Variants in SH3RF2 observed in about 807,000 individuals in gnomAD.
SH3RF2 encodes E3 ubiquitin-protein ligase SH3RF2.
A neutral mutation model predicts 59.0 loss-of-function variants in SH3RF2; 43 were observed. That is an observed-to-expected ratio of 0.73 (90% CI 0.57 to 0.94). The LOEUF (loss-of-function observed/expected upper bound fraction) is 0.94, where lower values mean the gene tolerates loss of function less well. SH3RF2 is among the 40% of genes least tolerant of loss of function. The pLI, the probability that SH3RF2 is intolerant of heterozygous loss-of-function variation, is 0.00. For synonymous variants in SH3RF2, 391 were observed against 391.5 expected, an observed-to-expected ratio of 1.00 and a Z score of 0.01; for missense variants, 930 against 940.1, an observed-to-expected ratio of 0.99 and a Z score of 0.14.
chr5:146,064,790 AGGAAGGAAGGAAGG>A (rs1763045526), downstream of SH3RF2, among the ~76,000 whole-genome samples: 8 of 33,130 alleles, frequency 2.4e-4, 2 homozygotes, highest in African/African-American at 8.8e-4. Flanking sequence ...GAAGGAAGGA[AGGAAGGAAGGAAGG>A]AAGGAAAGAA....
At chr5:146,005,936 AT>A (rs945198611) in intron 4 of SH3RF2, among the ~76,000 whole-genome samples, 1 of 152,052 alleles carries the variant, frequency 6.6e-6, no homozygotes, top group African/African-American at 2.4e-5. Flanking sequence ...GGAAAAAAAA[AT>A]TTTTAAAGAG....
chr5:145,964,977 G>C (rs1237789533), intron 2 of SH3RF2, among the ~76,000 whole-genome samples: 2 of 152,090 alleles, frequency 1.3e-5, no homozygotes, highest in East Asian at 3.9e-4. Context: ...TGGATTGCCT[G>C]AGCTCAGGAG....
chr5:145,938,812 G>A (rs1307817927), intron 2 of SH3RF2, among the ~76,000 whole-genome samples: 3 of 152,192 alleles, frequency 2.0e-5, no homozygotes, highest in Non-Finnish European at 2.9e-5. Context: ...TCTGTTCCAA[G>A]CTATCAAGAT....
At chr5:145,956,624 C>G (rs766392589) in intron 2 of SH3RF2, among the ~76,000 whole-genome samples, 77 of 151,876 alleles carry the variant, frequency 5.1e-4, no homozygotes, top group Non-Finnish European at 1.9e-4. Context: ...GGGGAAGAAG[C>G]AAAGGGGTTA....
chr5:146,021,776 G>A (rs1761329442), intron 5 of SH3RF2, among the ~76,000 whole-genome samples: 1 of 152,142 alleles, frequency 6.6e-6, no homozygotes, highest in African/African-American at 2.4e-5. Context: ...ATACAGTGTT[G>A]TACAGGAGAA....
intron 2 of SH3RF2, among the ~76,000 whole-genome samples, chr5:145,972,037 G>T (rs1759104331): frequency 6.6e-6 from 1 of 152,086 alleles, no homozygotes; most frequent in Non-Finnish European, 1.5e-5. Context: ...CTGGGCCAAG[G>T]TCAGCAGCTT....
At chr5:146,020,325 G>A (rs1458879665) in intron 5 of SH3RF2, among the ~76,000 whole-genome samples, 1 of 152,188 alleles carries the variant, frequency 6.6e-6, no homozygotes, top group Non-Finnish European at 1.5e-5. Context: ...TACGGTGTGT[G>A]TGTACATTCC....
At position 146,060,031 on chromosome 5, in the gene SH3RF2, C is replaced by T; in HGVS notation, c.1721C>T (p.Pro574Leu). The change falls in exon 9 of 10, where the codon CCT becomes CTT. Residue 574 changes from proline to leucine, a missense_variant. By Grantham distance (98) the Pro-to-Leu change is moderately conservative. Transcript: ENST00000359120. ...SAVVVEMGSK[P>L]ALTGEPALTC... ...GTGGTGGTGGAGATGGGGTCCAAGCCTGCCCTCACGGGGGAGCCCGCCCTC... is the reference window on the plus strand; with the variant it reads ...GTGGTGGTGGAGATGGGGTCCAAGCTTGCCCTCACGGGGGAGCCCGCCCTC... 1 of 1,612,044 alleles carries T rather than the reference C, an allele frequency of 6.2e-7. No homozygotes were observed. Among genetic ancestry groups the T allele is most frequent in the African/African-American group, 1.3e-5 (1 of 74,972 alleles).
At chr5:145,977,115 G>A (rs1486935017) in intron 2 of SH3RF2, among the ~76,000 whole-genome samples, 1 of 152,252 alleles carries the variant, frequency 6.6e-6, no homozygotes, top group Non-Finnish European at 1.5e-5. Context: ...TGCCTCGGCA[G>A]AGGCCAAGCA....
chr5:145,997,942 C>T, intron 2 of SH3RF2: 2 of 800,576 alleles, frequency 2.5e-6, no homozygotes, highest in Non-Finnish European at 4.6e-6. Flanking sequence ...CAGTTTATGC[C>T]TGACCCCAAG....
downstream of SH3RF2, among the ~76,000 whole-genome samples, chr5:146,065,549 T>C (rs1002126953): frequency 6.6e-6 from 1 of 152,184 alleles, no homozygotes; most frequent in Non-Finnish European, 1.5e-5. Context: ...GTCCATGCCT[T>C]CCAAATGAAA....
chr5:146,075,582 G>A (rs553472403), intron 9 of SH3RF2, among the ~76,000 whole-genome samples: 43 of 152,078 alleles, frequency 2.8e-4, no homozygotes, highest in Non-Finnish European at 5.4e-4. Context: ...AGGCCAAGGC[G>A]GGTGGATCAA....
At chr5:146,028,652 G>A (rs1312129406) in intron 5 of SH3RF2, among the ~76,000 whole-genome samples, 1 of 152,226 alleles carries the variant, frequency 6.6e-6, no homozygotes. Context: ...ATGTTCCGCA[G>A]GGTCAAAGTT....
rs1230083229 is a variant in SH3RF2, at chr5:146,000,282, A to C, written c.603A>C (p.Arg201=). 1 of 1,613,730 alleles carries C rather than the reference A, an allele frequency of 6.2e-7. No homozygotes were observed. Among genetic ancestry groups the C allele is most frequent in the Non-Finnish European group, 8.5e-7 (1 of 1,179,856 alleles). ...LCRALYNFDL[R]GKDKSENQDC... ...GGGCCCTCTACAACTTCGACCTACGAGGCAAGGACAAGAGTGAGAACCAGG... is the reference window on the plus strand; with the variant it reads ...GGGCCCTCTACAACTTCGACCTACGCGGCAAGGACAAGAGTGAGAACCAGG... The change falls in exon 3 of 10, where the codon CGA becomes CGC. Residue 201 remains arginine (R), a synonymous_variant. Coordinates refer to ENST00000359120, the MANE Select transcript of SH3RF2 (RefSeq NM_152550.4).
intron 5 of SH3RF2, among the ~76,000 whole-genome samples, chr5:146,037,150 C>T (rs1184153639): frequency 6.6e-6 from 1 of 152,146 alleles, no homozygotes; most frequent in Non-Finnish European, 1.5e-5. Context: ...TCATGTGAGC[C>T]GGACATTATG....
At chr5:145,992,540 A>G (rs973086998) in intron 2 of SH3RF2, among the ~76,000 whole-genome samples, 7 of 152,208 alleles carry the variant, frequency 4.6e-5, no homozygotes, top group Admixed American at 2.6e-4. Context: ...TTTACAAAAG[A>G]AAAAGGTTTA....
At chr5:146,009,614 A>G (rs1760792813) in intron 4 of SH3RF2, among the ~76,000 whole-genome samples, 1 of 152,068 alleles carries the variant, frequency 6.6e-6, no homozygotes, top group African/African-American at 2.4e-5. Context: ...ACTCTCTATC[A>G]TGTCAGAGCA....
intron 2 of SH3RF2, among the ~76,000 whole-genome samples, chr5:145,966,476 A>ATTG (rs113205601): frequency 0.078 from 11,821 of 152,184 alleles, 1,548 homozygotes; most frequent in African/African-American, 0.27. Flanking sequence ...AATGTTCGCT[A>ATTG]TTGTTGTTTT....
intron 2 of SH3RF2, among the ~76,000 whole-genome samples, chr5:145,953,871 C>G (rs1758292438): frequency 6.6e-6 from 1 of 152,106 alleles, no homozygotes. Flanking sequence ...CATCCATGTT[C>G]CCTCAAAAGA....
Sources: gnomAD v4.1 joint callset for allele counts (sites outside exome capture counted in the v4.1 genomes callset) on GRCh38, gnomAD v4.1.1 for gene constraint, MANE v1.5 for transcripts, NCBI Gene and HGNC (gene_info 2026-07-23, HGNC 2026-07-21) for gene names.